CPNE5: variants seen among roughly 807,000 people sequenced by gnomAD.
The protein encoded by CPNE5 is copine 5.
A neutral mutation model predicts 81.1 loss-of-function variants in CPNE5; 42 were observed. The ratio of observed to expected loss-of-function variants is 0.52; its 90% confidence interval spans 0.40 to 0.67. CPNE5 has a LOEUF of 0.67. CPNE5 is among the 30% of genes least tolerant of loss of function. The pLI is 0.00. For synonymous variants in CPNE5, 313 were observed against 321.5 expected (o/e 0.97, Z 0.28); for missense variants, 612 against 815.5 (o/e 0.75, Z 3.04).
chr6:36,783,315 C>T (rs561490441), intron 8 of CPNE5, among the ~76,000 whole-genome samples: 90 of 150,814 alleles, frequency 6.0e-4, no homozygotes, highest in African/African-American at 2.2e-3. Context: ...ACAACAAACC[C>T]CCATAACACA....
chr6:36,758,937 C>T (rs1380488356), intron 12 of CPNE5, among the ~76,000 whole-genome samples: 2 of 152,190 alleles, frequency 1.3e-5, no homozygotes, highest in African/African-American at 2.4e-5. Flanking sequence ...GAGGTGCTCA[C>T]GGACACATTC....
intron 8 of CPNE5, 87 bp downstream of exon 8, chr6:36,791,946 G>T: frequency 2.5e-6 from 3 of 1,194,632 alleles, no homozygotes; most frequent in East Asian, 4.7e-5. Flanking sequence ...TCTACCCTCG[G>T]TTCCCTCCAG....
intron 2 of CPNE5, 146 bp downstream of exon 2, chr6:36,822,912 A>C: frequency 1.7e-6 from 1 of 576,344 alleles, no homozygotes; most frequent in Non-Finnish European, 2.8e-6. Flanking sequence ...CTCAGACACT[A>C]TGGGAGAAAC....
intron 7 of CPNE5, 127 bp from the exon 8 acceptor site, chr6:36,792,223 C>T: frequency 3.2e-6 from 4 of 1,237,222 alleles, no homozygotes; most frequent in Non-Finnish European, 4.6e-6. Flanking sequence ...ACCCCAAAGC[C>T]CCTGAGAAGA....
At chr6:36,780,956 C>T (rs1004554295) in intron 8 of CPNE5, among the ~76,000 whole-genome samples, 6 of 152,188 alleles carry the variant, frequency 3.9e-5, no homozygotes, top group African/African-American at 1.4e-4. Flanking sequence ...CATAAATAAA[C>T]TAATTTCAAA....
intron 3 of CPNE5, among the ~76,000 whole-genome samples, chr6:36,810,818 C>T (rs911955874): frequency 1.3e-5 from 2 of 152,152 alleles, no homozygotes; most frequent in East Asian, 1.9e-4. Flanking sequence ...GGCCTGGTGA[C>T]CTCCCAAATG....
intron 8 of CPNE5, among the ~76,000 whole-genome samples, chr6:36,784,596 T>C (rs959094758): frequency 1.3e-5 from 2 of 152,188 alleles, no homozygotes; most frequent in African/African-American, 4.8e-5. Flanking sequence ...GGTCAGAGGT[T>C]CAGCTATTTG....
At chr6:36,748,128 G>T in intron 15 of CPNE5, 93 bp downstream of exon 15, 1 of 1,140,584 alleles carries the variant, frequency 8.8e-7, no homozygotes, top group Non-Finnish European at 1.3e-6. Context: ...AGGCCAGAGA[G>T]TATGAGGGTC....
intron 13 of CPNE5, 82 bp from the exon 14 acceptor site, chr6:36,753,177 G>A: frequency 1.7e-6 from 2 of 1,155,364 alleles, no homozygotes; most frequent in East Asian, 4.8e-5. Context: ...GACATTGACA[G>A]AACACTCGGC....
intron 9 of CPNE5, among the ~76,000 whole-genome samples, chr6:36,776,518 G>A (rs1162016185): frequency 6.6e-6 from 1 of 152,114 alleles, no homozygotes; most frequent in South Asian, 2.1e-4. Flanking sequence ...AGAGGAGCCT[G>A]GGGCAGTGGT....
At chr6:36,827,356 G>A (rs933860370) in intron 1 of CPNE5, 9 of 985,258 alleles carry the variant, frequency 9.1e-6, no homozygotes, top group Non-Finnish European at 1.1e-5. Flanking sequence ...GCTTCACCCC[G>A]TGAACAATGG....
chr6:36,762,152 C>T (rs1031652113), intron 12 of CPNE5, among the ~76,000 whole-genome samples: 1 of 147,990 alleles, frequency 6.8e-6, no homozygotes, highest in Non-Finnish European at 1.5e-5. Flanking sequence ...ACTCGGGAGG[C>T]TGAGGTGGGA....
intron 1 of CPNE5, among the ~76,000 whole-genome samples, chr6:36,830,331 G>A (rs907808688): frequency 9.2e-5 from 14 of 152,138 alleles, no homozygotes; most frequent in African/African-American, 3.4e-4. Context: ...CCAAACAAAC[G>A]ACTGAAGAGG....
chr6:36,788,363 C>T (rs1191136521), intron 8 of CPNE5, among the ~76,000 whole-genome samples: 1 of 152,142 alleles, frequency 6.6e-6, no homozygotes, highest in Non-Finnish European at 1.5e-5. Flanking sequence ...GCCACCCTGC[C>T]TGCTGAGGGC....
At chr6:36,768,286 G>A (rs1766764360) in intron 10 of CPNE5, among the ~76,000 whole-genome samples, 1 of 131,668 alleles carries the variant, frequency 7.6e-6, no homozygotes, top group South Asian at 2.4e-4. Flanking sequence ...CCAAGCTGGA[G>A]TGCAGTGGTA....
chr6:36,827,203 C>T, intron 1 of CPNE5: 1 of 397,072 alleles, frequency 2.5e-6, no homozygotes, highest in Non-Finnish European at 3.4e-6. Context: ...GGACCTTCTG[C>T]CTCTCGCCTA....
chr6:36,786,035 A>AG (rs1768510696), intron 8 of CPNE5, among the ~76,000 whole-genome samples: 1 of 148,530 alleles, frequency 6.7e-6, no homozygotes, highest in Non-Finnish European at 1.5e-5. Flanking sequence ...AAAAAAAAAA[A>AG]TTTAAAAAGA....
At chr6:36,748,391 G>A (rs1454134408) in intron 14 of CPNE5, 124 bp from the exon 15 acceptor site, 5 of 803,866 alleles carry the variant, frequency 6.2e-6, no homozygotes, top group Non-Finnish European at 1.1e-5. Flanking sequence ...CCTTGGTGAA[G>A]TCATTCATCT....
chr6:36,837,295 G>C (rs1283545047), intron 1 of CPNE5, among the ~76,000 whole-genome samples: 2 of 152,244 alleles, frequency 1.3e-5, no homozygotes, highest in African/African-American at 2.4e-5. Flanking sequence ...TTCTCCATGA[G>C]TACATGCTGC....
Sources: gnomAD v4.1 joint callset for allele counts (sites outside exome capture counted in the v4.1 genomes callset) on GRCh38, gnomAD v4.1.1 for gene constraint, MANE v1.5 for transcripts, NCBI Gene and HGNC (gene_info 2026-07-23, HGNC 2026-07-21) for gene names.